The following SPOCK1 variants were observed in gnomAD, a reference collection of about 807,000 sequenced individuals.
SPOCK1 encodes testican-1.
SPOCK1 carries 23 observed loss-of-function variants against 55.3 expected under a neutral mutation model. That is an observed-to-expected ratio of 0.42 (90% confidence interval 0.30 to 0.59). SPOCK1 has a LOEUF of 0.59. Ranked by LOEUF, SPOCK1 falls within the 20% of genes least tolerant of loss-of-function variation. The probability of loss-of-function intolerance (pLI) is 0.22; values close to 1 mark genes in which losing one functional copy is unlikely to be tolerated. For missense variants in SPOCK1, 499 were observed against 552.5 expected (o/e 0.90, Z 0.97); for synonymous variants, 226 against 221.0 (o/e 1.02, Z -0.20).
intron 2 of SPOCK1, among the ~76,000 whole-genome samples, chr5:137,442,416 T>A (rs1706145613): frequency 6.6e-6 from 1 of 152,204 alleles, no homozygotes; most frequent in Non-Finnish European, 1.5e-5. Context: ...AGCCATGGGA[T>A]CTTGTACAAA....
chr5:136,984,042 TAAAC>T (rs1750789191), intron 9 of SPOCK1, among the ~76,000 whole-genome samples: 1 of 152,138 alleles, frequency 6.6e-6, no homozygotes, highest in African/African-American at 2.4e-5. Context: ...ATGAGATCAA[TAAAC>T]AAACACAAGT....
chr5:137,348,830 A>G (rs7732189), intron 2 of SPOCK1, among the ~76,000 whole-genome samples: 72,852 of 152,002 alleles, frequency 0.48, 17,923 homozygotes, highest in East Asian at 0.6. Flanking sequence ...TAATTCTGCA[A>G]ACTGGTGATT....
At chr5:137,024,320 G>GGGT (rs778216389) in intron 6 of SPOCK1, among the ~76,000 whole-genome samples, 4 of 147,800 alleles carry the variant, frequency 2.7e-5, no homozygotes, top group South Asian at 2.3e-4. Flanking sequence ...TTGAAGGGGG[G>GGGT]GGGGTAGTTA....
chr5:137,183,410 T>A lies in SPOCK1; in HGVS notation c.233-42716A>T, dbSNP rs575003893. The stretch of plus-strand genomic sequence containing the variant: ...TCCCTGTTTAGAAAGTTATTGGCCT[T>A]AAAGAGGATGAAGAGAGATCAGGGT... On this transcript the variant is annotated intron_variant, in intron 3 of 10. Coordinates refer to ENST00000394945, the MANE Select transcript of SPOCK1 (RefSeq NM_004598.4). Among the ~76,000 whole-genome samples the A allele has an allele frequency of 2.0e-5, 3 of 152,272 alleles. No individual in the cohort carries two copies. The East Asian group carries it at 5.8e-4, about 29-fold the overall frequency.
intron 5 of SPOCK1, among the ~76,000 whole-genome samples, chr5:137,076,607 T>TAAAA (rs35285273): frequency 6.7e-4 from 75 of 112,486 alleles, no homozygotes; most frequent in Middle Eastern, 5.2e-3. Flanking sequence ...GGACTGAAAG[T>TAAAA]AAAAAAAAAA....
At chr5:137,145,814 G>A (rs758007349) in intron 3 of SPOCK1, among the ~76,000 whole-genome samples, 1 of 152,190 alleles carries the variant, frequency 6.6e-6, no homozygotes, top group African/African-American at 2.4e-5. Context: ...CAGATAATAG[G>A]ATGAGGAAGA....
At chr5:137,297,596 G>A (rs1757513789) in intron 2 of SPOCK1, among the ~76,000 whole-genome samples, 1 of 152,002 alleles carries the variant, frequency 6.6e-6, no homozygotes, top group Non-Finnish European at 1.5e-5. Flanking sequence ...TGAGGGGAGG[G>A]GTCCCTTCTG....
At chr5:137,239,400 T>G (rs1756241192) in intron 3 of SPOCK1, among the ~76,000 whole-genome samples, 1 of 152,202 alleles carries the variant, frequency 6.6e-6, no homozygotes, top group Admixed American at 6.5e-5. Context: ...AAGCAAAGTA[T>G]TTACCTGTGT....
chr5:136,988,659 C>G lies in SPOCK1; in HGVS notation c.707-16G>C. ...GTGTCAAACCCTGCCAAACAAAAGGCATATCTCAGCTGCCACCAAGCCTGA... is the reference window on the plus strand; with the variant it reads ...GTGTCAAACCCTGCCAAACAAAAGGGATATCTCAGCTGCCACCAAGCCTGA... On this transcript the variant is annotated splice_polypyrimidine_tract_variant and intron_variant, in intron 7 of 10. Coordinates refer to ENST00000394945, the MANE Select transcript of SPOCK1 (RefSeq NM_004598.4). 6.2e-7 allele frequency: 1 copy of G among 1,602,992 alleles called. No homozygotes were observed. Among genetic ancestry groups the G allele is most frequent in the Non-Finnish European group, 8.5e-7 (1 of 1,172,474 alleles).
At chr5:137,383,150 G>A (rs771481050) in intron 2 of SPOCK1, among the ~76,000 whole-genome samples, 1 of 152,102 alleles carries the variant, frequency 6.6e-6, no homozygotes, top group Non-Finnish European at 1.5e-5. Context: ...TAAGAGTTAA[G>A]CCCTCAAACC....
intron 2 of SPOCK1, among the ~76,000 whole-genome samples, chr5:137,483,944 G>T (rs1329196482): frequency 6.6e-6 from 1 of 152,232 alleles, no homozygotes; most frequent in East Asian, 1.9e-4. Flanking sequence ...GCTCTCTGAG[G>T]TGAGTGCACC....
chr5:137,372,361 T>C (rs894684696), intron 2 of SPOCK1, among the ~76,000 whole-genome samples: 1 of 152,292 alleles, frequency 6.6e-6, no homozygotes, highest in Admixed American at 6.5e-5. Context: ...CCCTGAGCAA[T>C]AGAAGCTTGA....
chr5:137,058,966 A>G lies in SPOCK1; in HGVS notation c.589+8749T>C, dbSNP rs539090895. Among the ~76,000 whole-genome samples the G allele has an allele frequency of 8.1e-4, 124 of 152,356 alleles. 1 individual carries two copies. The highest frequency in any genetic ancestry group is 6.7e-3 in the Admixed American group (103 of 15,308). ...GCATGTTGCCTTGCAGGTCACTGAAAGGACTTTAACTTTTCCTCTTAATCT... is the reference window on the plus strand; with the variant it reads ...GCATGTTGCCTTGCAGGTCACTGAAGGGACTTTAACTTTTCCTCTTAATCT... On this transcript the variant is annotated intron_variant, in intron 6 of 10. Coordinates refer to ENST00000394945, the MANE Select transcript of SPOCK1 (RefSeq NM_004598.4).
At chr5:137,181,630 AT>A (rs959371458) in intron 3 of SPOCK1, among the ~76,000 whole-genome samples, 3 of 152,202 alleles carry the variant, frequency 2.0e-5, no homozygotes, top group African/African-American at 7.2e-5. Flanking sequence ...CTGTATTTGA[AT>A]TAAACATTAA....
intron 6 of SPOCK1, among the ~76,000 whole-genome samples, chr5:137,059,838 C>T (rs1752363342): frequency 6.6e-6 from 1 of 152,088 alleles, no homozygotes; most frequent in Non-Finnish European, 1.5e-5. Flanking sequence ...GGCCAACAAG[C>T]ATATGAAAAA....
chr5:136,981,653 A>G (rs1008358313), intron 9 of SPOCK1, among the ~76,000 whole-genome samples: 20 of 152,216 alleles, frequency 1.3e-4, no homozygotes, highest in Non-Finnish European at 2.8e-4. Context: ...GTGGCCGGTA[A>G]GTTTGATCTG....
At chr5:137,255,739 G>A (rs1451557770) in intron 3 of SPOCK1, among the ~76,000 whole-genome samples, 1 of 152,210 alleles carries the variant, frequency 6.6e-6, no homozygotes, top group Non-Finnish European at 1.5e-5. Context: ...GGGGGAGCTA[G>A]AGCAGAGTTC....
chr5:137,144,946 C>T (rs1205360073), intron 3 of SPOCK1, among the ~76,000 whole-genome samples: 2 of 152,088 alleles, frequency 1.3e-5, no homozygotes, highest in Admixed American at 6.5e-5. Context: ...TGCAGACATC[C>T]CCAGAGGATG....
chr5:137,484,799 T>A (rs1006689152), intron 2 of SPOCK1, among the ~76,000 whole-genome samples: 3 of 152,124 alleles, frequency 2.0e-5, no homozygotes, highest in Admixed American at 6.6e-5. Context: ...TTGCCTACCA[T>A]CAGATACCTT....
Sources: allele counts gnomAD v4.1 joint callset (sites outside exome capture counted in the v4.1 genomes callset), GRCh38; gene constraint gnomAD v4.1.1; transcripts MANE v1.5; gene names NCBI Gene and HGNC (gene_info 2026-07-23, HGNC 2026-07-21).